Variants in MYO15B observed in about 807,000 individuals in gnomAD.
MYO15B encodes the protein myosin XVB, also known as myosin XVB pseudogene.
In MYO15B, 207 loss-of-function variants were observed where a neutral mutation model predicts 119.3. The observed-to-expected ratio is 1.73, with a 90% CI of 1.55 to 1.95. The LOEUF is 1.95. MYO15B is among the 30% of genes most tolerant of loss of function. The pLI is 0.00. For synonymous variants in MYO15B, 966 were observed against 498.9 expected, an observed-to-expected ratio of 1.94 and a Z score of -12.48; for missense variants, 2,264 against 1,203.1, an observed-to-expected ratio of 1.88 and a Z score of -13.04.
At position 75,621,414 on chromosome 17, in the gene MYO15B, A is replaced by G. The variant is rs764544391; in HGVS notation, c.7935+6A>G. 1.4e-6 allele frequency: 1 copy of G among 699,814 alleles called. No individual in the cohort carries two copies. Among genetic ancestry groups the G allele is most frequent in the African/African-American group, 1.7e-5 (1 of 57,184 alleles). The allele number at this position is 699,814 out of a possible 1,614,324, so 43.4% of individuals were successfully genotyped here. A position where few individuals can be genotyped will look rare whatever the true frequency, so the allele number is the denominator to read the frequency against. Reference sequence around the variant, plus strand: ...GCCTGGTGCAGTACACCAAGGTGGGAGAGAGGCAGGGAGGGGTCTGGCCCG... The same window carrying G: ...GCCTGGTGCAGTACACCAAGGTGGGGGAGAGGCAGGGAGGGGTCTGGCCCG... On this transcript the variant is annotated splice_donor_region_variant and intron_variant, in intron 51 of 63. Transcript: ENST00000645453.
chr17:75,615,559 G>A (rs529755646), exon 35 of MYO15B: 86 of 701,486 alleles, frequency 1.2e-4, no homozygotes, highest in Non-Finnish European at 1.8e-4. Flanking sequence ...GCAGCTGGCC[G>A]TCCAGCAGCA....
intron 63 of MYO15B, 35 bp from the exon 64 acceptor site, chr17:75,626,372 G>A (rs765150925): frequency 4.3e-6 from 3 of 702,942 alleles, no homozygotes; most frequent in Non-Finnish European, 7.8e-6. Context: ...GGGCTGGCTG[G>A]GGAGCCCTCT....
rs1252143916 is a variant in MYO15B at position 75,625,164 on chromosome 17, C to T, written c.8730C>T (p.Ala2910=). 8 of 702,384 alleles carry T rather than the reference C, an allele frequency of 1.1e-5. No homozygotes were observed. In the East Asian group the frequency reaches 1.6e-4, roughly 14 times the overall value. 43.5% of individuals were successfully genotyped at this position (702,384 alleles called of 1,614,324 possible). A position where few individuals can be genotyped will look rare whatever the true frequency, so the allele number is the denominator to read the frequency against. The change falls in exon 60 of 64, where the codon GCC becomes GCT. Residue 2910 remains alanine, a synonymous_variant. Transcript: ENST00000645453. The stretch of plus-strand genomic sequence containing the variant: ...TTCAGGGGAAGCTGCCAGTCAGCGC[C>T]AAGGCAGACGCGCAGCTCGCCAGGC...
chr17:75,591,289 C>G (rs1452797176), intron 4 of MYO15B, 43 bp downstream of exon 4: 1 of 700,552 alleles, frequency 1.4e-6, no homozygotes, highest in Non-Finnish European at 2.6e-6. Context: ...ATGGGCCACA[C>G]TGAGGGTTGA....
chr17:75,592,382 C>T (rs2147720340), intron 7 of MYO15B, 46 bp from the exon 8 acceptor site: 1 of 689,924 alleles, frequency 1.4e-6, no homozygotes, highest in Middle Eastern at 2.3e-4. Flanking sequence ...GGTGTGGCCT[C>T]TAAGCCCCTA....
At chr17:75,625,145 G>T (rs1231893455) in exon 60 of MYO15B, 1 of 700,958 alleles carries the variant, frequency 1.4e-6, no homozygotes, top group Admixed American at 2.0e-5. Flanking sequence ...TACCTTCAGG[G>T]GAAGCTGCCA....
intron 21 of MYO15B, among the ~76,000 whole-genome samples, chr17:75,608,680 C>T (rs984517935): frequency 1.3e-5 from 2 of 152,072 alleles, no homozygotes; most frequent in Non-Finnish European, 2.9e-5. Flanking sequence ...GCCTCAGCCT[C>T]TGGAGTAGCT....
exon 43 of MYO15B, chr17:75,618,169 G>C (rs1482354334): frequency 1.4e-6 from 1 of 703,244 alleles, no homozygotes; most frequent in South Asian, 1.5e-5. Flanking sequence ...TACTACCTGA[G>C]GCTCCTCTGT....
Position 75,613,207 on chromosome 17 carries a change from CAAGT to C in MYO15B, c.4967+2_4967+5del, listed in dbSNP as rs1375400266. ...TGCCTGTCCTACAGAAGCCACTGCT[CAAGT>C]AAGGGGCCTGGGAGGTGGGGACCTG... On this transcript the variant is annotated splice_donor_variant and coding_sequence_variant, in exon 27 of 64. Transcript: ENST00000645453. LOFTEE classifies it high-confidence loss of function. 2.9e-6 allele frequency: 2 copies of C among 692,476 alleles called. No individual in the cohort carries two copies. Among genetic ancestry groups the C allele is most frequent in the East Asian group, 5.4e-5 (2 of 36,916 alleles). The allele number at this position is 692,476 out of a possible 1,614,324, so 42.9% of individuals were successfully genotyped here.
chr17:75,604,405 C>T (rs1030394643), intron 19 of MYO15B, among the ~76,000 whole-genome samples: 5 of 151,954 alleles, frequency 3.3e-5, no homozygotes, highest in African/African-American at 4.8e-5. Context: ...TCCATTAAGC[C>T]AAACTGGTAC....
chr17:75,623,244 A>G (rs1458764462), intron 53 of MYO15B, among the ~76,000 whole-genome samples: 1 of 152,088 alleles, frequency 6.6e-6, no homozygotes, highest in African/African-American at 2.4e-5. Flanking sequence ...GAATCGCTAG[A>G]ACCCAGGAGG....
chr17:75,588,746 TGGG>T, exon 1 of MYO15B: 1 of 398,060 alleles, frequency 2.5e-6, no homozygotes, highest in Non-Finnish European at 4.4e-6. Context: ...ACGGGGCCCC[TGGG>T]AGCCAGCGAG....
At chr17:75,611,544 G>A in intron 23 of MYO15B, 57 bp from the exon 24 acceptor site, 2 of 699,680 alleles carry the variant, frequency 2.9e-6, no homozygotes, top group Non-Finnish European at 5.2e-6. Context: ...TGTGGGGAGG[G>A]ACACTGGTCC....
exon 32 of MYO15B, chr17:75,614,842 G>T: frequency 1.4e-6 from 1 of 702,828 alleles, no homozygotes; most frequent in Non-Finnish European, 2.6e-6. Context: ...ATATCCTCCG[G>T]CCTCAGCGTG....
chr17:75,591,029 G>A lies in MYO15B; in HGVS notation c.2360+13G>A. 1.6e-6 allele frequency: 1 copy of A among 642,480 alleles called. No individual in the cohort carries two copies. The highest frequency in any genetic ancestry group is 2.8e-6 in the Non-Finnish European group (1 of 353,232). The allele number at this position is 642,480 out of a possible 1,614,324, so 39.8% of individuals were successfully genotyped here. A position where few individuals can be genotyped will look rare whatever the true frequency, so the allele number is the denominator to read the frequency against. ...TCAGCACCACTCCGTATGTGACTCT[G>A]CCCCACTGACCCTCTGCTCACCTCC... On this transcript the variant is annotated intron_variant, in intron 3 of 63. Transcript: ENST00000645453.
intron 53 of MYO15B, among the ~76,000 whole-genome samples, chr17:75,623,486 T>C (rs2058824720): frequency 6.6e-6 from 1 of 152,138 alleles, no homozygotes; most frequent in Admixed American, 6.5e-5. Context: ...AAAAGTTAGC[T>C]GGGCGTGGTG....
chr17:75,594,726 G>A (rs989528847), exon 11 of MYO15B: 20 of 703,048 alleles, frequency 2.8e-5, no homozygotes, highest in Admixed American at 1.8e-4. Context: ...CAGGTCTCGC[G>A]ATCCCTGCCC....
intron 9 of MYO15B, chr17:75,593,158 G>C (rs1261125557): frequency 1.2e-5 from 2 of 172,580 alleles, no homozygotes; most frequent in Non-Finnish European, 2.3e-5. Context: ...CCAGGAGTTT[G>C]AGACCAGCCT....
At chr17:75,587,831 C>T (rs911915537) in exon 1 of MYO15B, among the ~76,000 whole-genome samples, 3 of 152,284 alleles carry the variant, frequency 2.0e-5, no homozygotes, top group African/African-American at 7.2e-5. Flanking sequence ...GTAGCGTCTC[C>T]TGTTTCCTGG....
Sources: allele counts gnomAD v4.1 joint callset (sites outside exome capture counted in the v4.1 genomes callset), GRCh38; gene constraint gnomAD v4.1.1; transcripts MANE v1.5; gene names NCBI Gene and HGNC (gene_info 2026-07-23, HGNC 2026-07-21).